The following ZFAT variants were observed in gnomAD, a reference collection of about 807,000 sequenced individuals.
ZFAT encodes the protein zinc finger and AT-hook domain containing, also known as zinc finger protein ZFAT.
In ZFAT, 64 loss-of-function variants were observed where a neutral mutation model predicts 117.7. The ratio of observed to expected loss-of-function variants is 0.54; its 90% CI spans 0.44 to 0.67. The LOEUF (loss-of-function observed/expected upper bound fraction) is 0.67, where lower values mean the gene tolerates loss of function less well. Ranked by LOEUF, ZFAT falls within the 30% of genes least tolerant of loss-of-function variation. The pLI, the probability that ZFAT is intolerant of heterozygous loss-of-function variation, is 0.00. For missense variants in ZFAT, 1,433 were observed against 1,584.5 expected, an observed-to-expected ratio of 0.90 and a Z score of 1.62; for synonymous variants, 679 against 615.0, an observed-to-expected ratio of 1.10 and a Z score of -1.54.
At chr8:134,496,725 T>C (rs1423231940) in intron 15 of ZFAT, among the ~76,000 whole-genome samples, 2 of 152,284 alleles carry the variant, frequency 1.3e-5, no homozygotes, top group African/African-American at 2.4e-5. Context: ...GGAAAAGCCA[T>C]GTGTATAACC....
chr8:134,819,095 A>G, the ZFAT span, among the ~76,000 whole-genome samples: 1 of 152,228 alleles, frequency 6.6e-6, no homozygotes, highest in Non-Finnish European at 1.5e-5. Context: ...ATAAAAATAG[A>G]GACTTGCCGA....
chr8:134,546,598 T>A (rs570737781), intron 11 of ZFAT, among the ~76,000 whole-genome samples: 1 of 152,322 alleles, frequency 6.6e-6, no homozygotes, highest in East Asian at 1.9e-4. Flanking sequence ...GCTTCTTCAG[T>A]CTTACCTCTC....
chr8:134,760,273 G>GAAAAAA, the ZFAT span, among the ~76,000 whole-genome samples: 2 of 128,760 alleles, frequency 1.6e-5, no homozygotes, highest in Middle Eastern at 4.2e-3. Flanking sequence ...GTCTCAAAAA[G>GAAAAAA]AAAAAAAAAA....
chr8:134,723,408 A>C, the ZFAT span: 1 of 152,352 alleles, frequency 6.6e-6, no homozygotes, highest in Non-Finnish European at 1.5e-5. Context: ...TTGGGAGGTC[A>C]GAGAGGAATG....
the ZFAT span, among the ~76,000 whole-genome samples, chr8:134,761,722 AAATT>A: frequency 1.3e-5 from 2 of 152,254 alleles, no homozygotes; most frequent in South Asian, 2.1e-4. Context: ...AAAATAAAAT[AAATT>A]AATTAATCAC....
chr8:134,553,601 G>T (rs6992097), intron 11 of ZFAT, among the ~76,000 whole-genome samples: 1 of 151,954 alleles, frequency 6.6e-6, no homozygotes, highest in African/African-American at 2.4e-5. Context: ...CATGCCACAG[G>T]CACCAAGAAT....
chr8:134,790,883 T>C, the ZFAT span, among the ~76,000 whole-genome samples: 2 of 151,920 alleles, frequency 1.3e-5, no homozygotes, highest in African/African-American at 4.8e-5. Context: ...GGCAAGGTGG[T>C]ACATGCCTGT....
chr8:134,682,062 T>A (rs1213561732), intron 1 of ZFAT, among the ~76,000 whole-genome samples: 1 of 152,210 alleles, frequency 6.6e-6, no homozygotes, highest in Non-Finnish European at 1.5e-5. Flanking sequence ...AGGGAAAACT[T>A]GCTGTAACCA....
At chr8:134,483,015 CGAA>C (rs1297199102) in intron 15 of ZFAT, among the ~76,000 whole-genome samples, 1 of 152,204 alleles carries the variant, frequency 6.6e-6, no homozygotes, top group Non-Finnish European at 1.5e-5. Flanking sequence ...GTAGAGAGGA[CGAA>C]GGAGGGAGAG....
the ZFAT span, among the ~76,000 whole-genome samples, chr8:134,769,051 T>A: frequency 6.6e-6 from 1 of 152,098 alleles, no homozygotes; most frequent in Non-Finnish European, 1.5e-5. Context: ...GTGTGCAATG[T>A]AGACCCAGCT....
At chr8:134,718,116 A>G in the ZFAT span, among the ~76,000 whole-genome samples, 1 of 152,250 alleles carries the variant, frequency 6.6e-6, no homozygotes, top group Non-Finnish European at 1.5e-5. Context: ...TTCGACAGTT[A>G]CATTGAAACA....
At chr8:134,550,580 G>A (rs558521086) in intron 11 of ZFAT, among the ~76,000 whole-genome samples, 6 of 152,246 alleles carry the variant, frequency 3.9e-5, no homozygotes, top group South Asian at 2.1e-4. Flanking sequence ...ACTCTTTAGC[G>A]TTCTCTGATT....
chr8:134,767,479 G>A, the ZFAT span, among the ~76,000 whole-genome samples: 1 of 152,096 alleles, frequency 6.6e-6, no homozygotes. Context: ...TAATACCATG[G>A]TATAACTTAA....
intron 3 of ZFAT, among the ~76,000 whole-genome samples, chr8:134,632,127 G>T (rs571764243): frequency 6.6e-6 from 1 of 151,934 alleles, no homozygotes; most frequent in Non-Finnish European, 1.5e-5. Context: ...CCATCTCTCT[G>T]ACCTCTCCAG....
the ZFAT span, among the ~76,000 whole-genome samples, chr8:134,780,519 ATTT>A: frequency 6.6e-6 from 1 of 152,208 alleles, no homozygotes; most frequent in Non-Finnish European, 1.5e-5. Context: ...TCTCTTTACT[ATTT>A]AACACTTGGA....
At chr8:134,744,457 G>A in the ZFAT span, among the ~76,000 whole-genome samples, 2 of 151,726 alleles carry the variant, frequency 1.3e-5, no homozygotes, top group African/African-American at 2.4e-5. Flanking sequence ...CACCATGCCC[G>A]GCTAATTTTT....
At chr8:134,718,521 G>C in the ZFAT span, among the ~76,000 whole-genome samples, 1 of 152,140 alleles carries the variant, frequency 6.6e-6, no homozygotes, top group African/African-American at 2.4e-5. Flanking sequence ...TTTAGGAAAA[G>C]GGTGACTATA....
chr8:134,583,954 C>T lies in ZFAT; in HGVS notation c.2765G>A (p.Ser922Asn). 1 of 1,578,476 alleles carries T rather than the reference C, an allele frequency of 6.3e-7. No individual in the cohort carries two copies. The highest frequency in any genetic ancestry group is 8.6e-7 in the Non-Finnish European group (1 of 1,160,536). ...SLCEYATRSKSNLKAHMNRHS... is the reference protein window; with the variant it reads ...SLCEYATRSKNNLKAHMNRHS... ...ACGATTCATATGAGCCTTGAGGTTA[C>T]TCTTGCTACGAGTTGCATACTCACA... The change falls in exon 10 of 16, where the codon AGT (serine) becomes AAT (asparagine). Residue 922 changes from serine (S) to asparagine (N), a missense_variant. By Grantham distance (46) the Ser-to-Asn change is conservative (BLOSUM62 1). Around this residue, in one of 5 missense-constraint regions of ZFAT, gnomAD observed 503 missense variants for 543.4 expected, o/e 0.93. Transcript: ENST00000377838.
chr8:134,620,696 C>A (rs549511997), intron 3 of ZFAT, among the ~76,000 whole-genome samples: 1 of 152,354 alleles, frequency 6.6e-6, no homozygotes, highest in African/African-American at 2.4e-5. Flanking sequence ...AGACCCCCAG[C>A]TGAAATCCAA....
Sources: allele counts gnomAD v4.1 joint callset (sites outside exome capture counted in the v4.1 genomes callset), GRCh38; gene constraint gnomAD v4.1.1; regional missense constraint gnomAD v4.1.1; transcripts MANE v1.5; gene names NCBI Gene and HGNC (gene_info 2026-07-23, HGNC 2026-07-21).